Variants in GLRX2 observed in about 807,000 individuals in gnomAD.
GLRX2 encodes bA101E13.1 (GRX2 glutaredoxin (thioltransferase) 2).
GLRX2 carries 12 observed loss-of-function variants against 16.4 expected under a neutral mutation model. The observed-to-expected ratio is 0.73, with a 90% CI of 0.47 to 1.19. GLRX2 has a LOEUF of 1.19. GLRX2 is among the 50% of genes most tolerant of loss of function. GLRX2 has a pLI of 0.00. For synonymous variants in GLRX2, 95 were observed against 76.2 expected (o/e 1.25, Z -1.28); for missense variants, 201 against 201.8 (o/e 1.00, Z 0.02).
intron 1 of GLRX2, among the ~76,000 whole-genome samples, chr1:193,104,590 G>C (rs182057409): frequency 0.014 from 2,070 of 152,350 alleles, 18 homozygotes; most frequent in Non-Finnish European, 0.02. Context: ...GGCAGGCGCG[G>C]AAGTGCGAGC....
At chr1:193,101,920 C>T (rs76631253) in intron 1 of GLRX2, among the ~76,000 whole-genome samples, 2 of 151,100 alleles carry the variant, frequency 1.3e-5, no homozygotes, top group Non-Finnish European at 2.9e-5. Flanking sequence ...AAAAAAAAAA[C>T]TCAACCAGTT....
At chr1:193,099,487 T>A (rs1036855991) in intron 2 of GLRX2, among the ~76,000 whole-genome samples, 2 of 152,120 alleles carry the variant, frequency 1.3e-5, no homozygotes, top group African/African-American at 4.8e-5. Context: ...ACTACAGACA[T>A]GTGTCACCAC....
At chr1:193,102,852 A>G (rs977769599) in intron 1 of GLRX2, among the ~76,000 whole-genome samples, 2 of 152,162 alleles carry the variant, frequency 1.3e-5, no homozygotes, top group African/African-American at 2.4e-5. Context: ...TAGCATGATG[A>G]AATCTTGAGC....
upstream of GLRX2, chr1:193,105,631 G>T: frequency 6.3e-7 from 1 of 1,599,788 alleles, no homozygotes; most frequent in South Asian, 1.1e-5. Flanking sequence ...CTTATCTCGA[G>T]GGTTCATCCG....
intron 1 of GLRX2, among the ~76,000 whole-genome samples, chr1:193,104,211 C>T (rs1411730421): frequency 2.0e-5 from 3 of 152,196 alleles, no homozygotes; most frequent in Admixed American, 2.0e-4. Context: ...ACACCCTTTC[C>T]CTTCAATTTC....
Position 193,097,592 on chromosome 1 carries a change from C to G in GLRX2, c.352G>C (p.Glu118Gln), listed in dbSNP as rs913983803. 5 of 1,605,818 alleles carry G rather than the reference C, an allele frequency of 3.1e-6. No individual in the cohort carries two copies. Among genetic ancestry groups the G allele is most frequent in the Non-Finnish European group, 4.2e-6 (5 of 1,176,774 alleles). ...FQDALYKMTG[E>Q]RTVPRIFVNG... ...ACAGAGGATATACTCACAGTTCTTT[C>G]ACCAGTCATTTTGTAAAGAGCATCT... Residue 118 changes from glutamate (E) to glutamine (Q), a missense_variant, in exon 3 of 4, where the codon GAA (glutamate) becomes CAA (glutamine). Coordinates refer to ENST00000367439, the MANE Select transcript of GLRX2 (RefSeq NM_197962.3).
upstream of GLRX2, chr1:193,106,057 T>C (rs1354661566): frequency 2.0e-6 from 2 of 986,638 alleles, no homozygotes; most frequent in African/African-American, 3.5e-5. Flanking sequence ...GCTTTGGAAA[T>C]GGGCGATTGC....
At chr1:193,098,729 T>A (rs1675010086) in intron 2 of GLRX2, among the ~76,000 whole-genome samples, 1 of 152,022 alleles carries the variant, frequency 6.6e-6, no homozygotes, top group Admixed American at 6.5e-5. Context: ...TTTTTGTTTT[T>A]TAGTAGAGAC....
chr1:193,102,935 C>T (rs911439054), intron 1 of GLRX2, among the ~76,000 whole-genome samples: 50 of 152,168 alleles, frequency 3.3e-4, no homozygotes, highest in African/African-American at 1.2e-3. Flanking sequence ...AAGCTCCCCA[C>T]GCTTTAGTCA....
chr1:193,098,558 T>C (rs1450143077), intron 2 of GLRX2, among the ~76,000 whole-genome samples: 1 of 151,770 alleles, frequency 6.6e-6, no homozygotes, highest in African/African-American at 2.4e-5. Context: ...AACCAAAACA[T>C]TGTACATTTC....
intron 2 of GLRX2, among the ~76,000 whole-genome samples, chr1:193,100,273 A>G (rs938802519): frequency 2.0e-5 from 3 of 152,154 alleles, no homozygotes; most frequent in Admixed American, 6.5e-5. Flanking sequence ...TCAGGAGTTC[A>G]AGACCAGCCT....
chr1:193,101,239 A>T, intron 1 of GLRX2, 35 bp from the exon 2 acceptor site: 3 of 1,267,490 alleles, frequency 2.4e-6, no homozygotes, highest in Non-Finnish European at 3.5e-6. Flanking sequence ...GTAGTTTATT[A>T]AGCATTAAGG....
At position 193,101,185 on chromosome 1, in the gene GLRX2, A is replaced by G. The variant is rs764620170; in HGVS notation, c.139T>C (p.Ser47Pro). ...AASGMESNTSSSLENLATAPV... is the reference protein window; with the variant it reads ...AASGMESNTSPSLENLATAPV... ...GCCGTCGCTAAATTCTCCAAAGATG[A>G]TGATGTATTGCTCTCCATCCTAAAA... Residue 47 changes from serine (S) to proline (P), a missense_variant, in exon 2 of 4, where the codon TCA becomes CCA. Transcript: ENST00000367439. The G allele has an allele frequency of 8.7e-6, 14 of 1,606,832 alleles. No individual in the cohort carries two copies. In the East Asian group the frequency reaches 3.1e-4, roughly 36 times the overall value.
At chr1:193,105,986 G>C (rs34475657), upstream of GLRX2, 10 of 910,582 alleles carry the variant, frequency 1.1e-5, no homozygotes, top group African/African-American at 2.6e-4. Context: ...CCCACCACCT[G>C]CCAAAAAAAA....
Position 193,097,641 on chromosome 1 carries a change from C to A in GLRX2, c.303G>T (p.Leu101=), listed in dbSNP as rs774191087. 2 of 1,612,610 alleles carry A rather than the reference C, an allele frequency of 1.2e-6. No individual in the cohort carries two copies. Among genetic ancestry groups the A allele is most frequent in the Non-Finnish European group, 1.7e-6 (2 of 1,179,428 alleles). ...NVNYKVVELD[L]LEYGNQFQDA... is the part of the protein sequence containing the mutation. ...CTTGGAACTGGTTTCCATATTCAAG[C>A]AGGTCCAGTTCCACCACTTTATAGT... Residue 101 remains leucine (L), a synonymous_variant, in exon 3 of 4, where the codon CTG becomes CTT. Coordinates refer to ENST00000367439, the MANE Select transcript of GLRX2 (RefSeq NM_197962.3).
intron 2 of GLRX2, among the ~76,000 whole-genome samples, chr1:193,098,709 G>A (rs973119863): frequency 3.3e-5 from 5 of 151,926 alleles, no homozygotes; most frequent in African/African-American, 7.3e-5. Flanking sequence ...CTGCCACCAC[G>A]GCCAGTTAAT....
upstream of GLRX2, chr1:193,105,501 C>A: frequency 2.0e-6 from 3 of 1,517,332 alleles, 1 homozygote; most frequent in South Asian, 2.5e-5. Context: ...GGACTGCCCG[C>A]GCCGCCGCCG....
At chr1:193,099,380 G>A (rs543753910) in intron 2 of GLRX2, among the ~76,000 whole-genome samples, 27 of 151,886 alleles carry the variant, frequency 1.8e-4, no homozygotes, top group Admixed American at 5.2e-4. Flanking sequence ...TTACTCTGTC[G>A]TCCAGGCTGG....
At chr1:193,105,675 C>A (rs200632315), upstream of GLRX2, 4 of 1,584,298 alleles carry the variant, frequency 2.5e-6, no homozygotes, top group Non-Finnish European at 3.4e-6. Flanking sequence ...GGTTTAGGGA[C>A]GCTCATAAAG....
Sources: allele counts gnomAD v4.1 joint callset (sites outside exome capture counted in the v4.1 genomes callset), GRCh38; gene constraint gnomAD v4.1.1; transcripts MANE v1.5; gene names NCBI Gene and HGNC (gene_info 2026-07-23, HGNC 2026-07-21).